The following SENP2 variants were observed in gnomAD, a reference collection of about 807,000 sequenced individuals.
SENP2 encodes the protein SUMO specific peptidase 2.
SENP2 carries 16 observed loss-of-function variants against 86.3 expected under a neutral mutation model. The observed-to-expected ratio is 0.19, with a 90% CI of 0.13 to 0.28. The LOEUF is 0.28. Among genes scored for constraint, SENP2 ranks in the 10% least tolerant of loss-of-function variants. The pLI is 1.00. For synonymous variants in SENP2, 222 were observed against 238.7 expected (o/e 0.93, Z 0.64); for missense variants, 552 against 703.0 (o/e 0.79, Z 2.43).
At chr3:185,588,050 ATTTTT>A (rs1196425963) in intron 1 of SENP2, among the ~76,000 whole-genome samples, 1,905 of 64,706 alleles carry the variant, frequency 0.029, 14 homozygotes, top group Middle Eastern at 0.043. Flanking sequence ...CTACCGGCTA[ATTTTT>A]TTTTTTTTTT....
Position 185,612,677 on chromosome 3 carries a change from TTC to T in SENP2, c.869+21_869+22del. ...AAAAGAGGTACGTACATTCAGTTCATTCTACACTTTCTTTTAATATATATTTT... is the reference window on the plus strand; with the variant it reads ...AAAAGAGGTACGTACATTCAGTTCATTACACTTTCTTTTAATATATATTTT... On this transcript the variant is annotated intron_variant, in intron 9 of 16. Coordinates refer to ENST00000296257, the MANE Select transcript of SENP2 (RefSeq NM_021627.3). The T allele has an allele frequency of 6.5e-7, 1 of 1,541,788 alleles. No homozygotes were observed. The highest frequency in any genetic ancestry group is 8.9e-7 in the Non-Finnish European group (1 of 1,118,012).
At chr3:185,618,653 C>T (rs1577739055) in intron 12 of SENP2, among the ~76,000 whole-genome samples, 2 of 152,120 alleles carry the variant, frequency 1.3e-5, no homozygotes, top group South Asian at 2.1e-4. Context: ...CTGAGGCGGG[C>T]GGATCACGAG....
rs753562841 is a variant in SENP2 at position 185,590,091 on chromosome 3, A to AT, written c.102-16dup. 2.4e-5 allele frequency: 32 copies of AT among 1,353,838 alleles called. 1 individual carries two copies. The highest frequency in any genetic ancestry group is 1.5e-4 in the South Asian group (10 of 68,222). The allele number at this position is 1,353,838 out of a possible 1,614,324, so 83.9% of individuals were successfully genotyped here. A position where few individuals can be genotyped will look rare whatever the true frequency, so the allele number is the denominator to read the frequency against. On this transcript the variant is annotated intron_variant, in intron 1 of 16. Coordinates refer to ENST00000296257, the MANE Select transcript of SENP2 (RefSeq NM_021627.3). ...TGTGTGTGTAAATCTATATATATAT[A>AT]TTTTTTTCTTTCTCTTTTTCAGCAC...
At chr3:185,588,822 C>G (rs1721884364) in intron 1 of SENP2, among the ~76,000 whole-genome samples, 1 of 152,152 alleles carries the variant, frequency 6.6e-6, no homozygotes, top group Non-Finnish European at 1.5e-5. Context: ...AGCACTTGGT[C>G]CCTATTTATG....
chr3:185,590,085 A>G, intron 1 of SENP2, 29 bp from the exon 2 acceptor site: 4 of 1,270,226 alleles, frequency 3.1e-6, no homozygotes, highest in Non-Finnish European at 4.4e-6. Flanking sequence ...AAATCTATAT[A>G]TATATATTTT....
At chr3:185,627,229 A>G (rs372945373) in intron 16 of SENP2, among the ~76,000 whole-genome samples, 24 of 152,212 alleles carry the variant, frequency 1.6e-4, no homozygotes, top group African/African-American at 5.5e-4. Context: ...AATGGGCACA[A>G]TTTGCAAATC....
rs960843455 is a variant in SENP2, at chr3:185,611,744, A to T, written c.816A>T (p.Gln272His). The T allele has an allele frequency of 6.2e-7, 1 of 1,608,050 alleles. No individual in the cohort carries two copies. Among genetic ancestry groups the T allele is most frequent in the Admixed American group, 1.7e-5 (1 of 59,852 alleles). The change falls in exon 8 of 17, where the codon CAA (glutamine) becomes CAT (histidine). Residue 272 changes from glutamine to histidine, a missense_variant and splice_region_variant. By Grantham distance (24) the Gln-to-His change is conservative. Transcript: ENST00000296257. Reference sequence around the variant, plus strand: ...AAACAACTCAGTTTGTTCCAAAACAATGTGAGTTCCCAGATTTAGCCTTGT... The same window carrying T: ...AAACAACTCAGTTTGTTCCAAAACATTGTGAGTTCCCAGATTTAGCCTTGT... ...GVKTTQFVPK[Q>H]YRLVETRGPL...
At chr3:185,597,391 C>T (rs1273307383) in intron 2 of SENP2, among the ~76,000 whole-genome samples, 2 of 152,030 alleles carry the variant, frequency 1.3e-5, no homozygotes, top group Non-Finnish European at 1.5e-5. Flanking sequence ...CTCACTCTGT[C>T]GCCCCGGCTG....
At chr3:185,590,792 C>T (rs577978095) in intron 2 of SENP2, among the ~76,000 whole-genome samples, 118 of 100,278 alleles carry the variant, frequency 1.2e-3, no homozygotes, top group Non-Finnish European at 1.7e-3. Flanking sequence ...ACCTGGGAGG[C>T]GGAGGTTGCA....
intron 5 of SENP2, among the ~76,000 whole-genome samples, chr3:185,601,639 CTTTT>C (rs4012716): frequency 4.3e-5 from 5 of 116,750 alleles, no homozygotes; most frequent in Admixed American, 9.4e-5. Flanking sequence ...GTTGTTCTTG[CTTTT>C]TTTTTTTTTT....
chr3:185,608,675 G>A (rs990434205), intron 6 of SENP2, among the ~76,000 whole-genome samples: 9 of 152,250 alleles, frequency 5.9e-5, no homozygotes, highest in Middle Eastern at 3.4e-3. Context: ...AGAGATACGG[G>A]CAAACCATCA....
intron 3 of SENP2, 119 bp from the exon 4 acceptor site, chr3:185,598,839 G>C (rs2148983576): frequency 1.3e-6 from 1 of 750,856 alleles, no homozygotes; most frequent in South Asian, 1.7e-5. Context: ...TTAAACCTTA[G>C]GTCTTATTGA....
rs764240980 is a variant in SENP2, at chr3:185,609,349, A to G, written c.721A>G (p.Ser241Gly). 6.3e-7 allele frequency: 1 copy of G among 1,599,058 alleles called. No homozygotes were observed. Among genetic ancestry groups the G allele is most frequent in the African/African-American group, 1.3e-5 (1 of 74,722 alleles). ...SVCPVTSNYH[S>G]SQRSQMDTLK... ...CTGTCCTGTAACTTCAAATTATCAC[A>G]GGTGACAGTGAGCTAACAGATAATG... Residue 241 changes from serine to glycine, a missense_variant and splice_region_variant, in exon 7 of 17, where the codon AGT (serine) becomes GGT (glycine). Ser to Gly is a moderately conservative substitution (Grantham distance 56, BLOSUM62 0). Transcript: ENST00000296257.
At chr3:185,594,620 CT>C (rs11317593) in intron 2 of SENP2, among the ~76,000 whole-genome samples, 39,879 of 137,230 alleles carry the variant, frequency 0.29, 5,789 homozygotes, top group African/African-American at 0.41. Context: ...GGCTCATGAT[CT>C]TTTTTTTTTT....
intron 14 of SENP2, among the ~76,000 whole-genome samples, chr3:185,622,926 C>T (rs1386374453): frequency 2.1e-5 from 3 of 146,048 alleles, no homozygotes; most frequent in Admixed American, 7.1e-5. Context: ...AAGTGATGCT[C>T]GTTCCTCGGC....
intron 11 of SENP2, among the ~76,000 whole-genome samples, chr3:185,616,316 C>CA (rs566480528): frequency 4.0e-5 from 6 of 149,764 alleles, no homozygotes; most frequent in African/African-American, 1.5e-4. Flanking sequence ...ACCAAAAATA[C>CA]AAAAAAATAG....
chr3:185,624,131 A>C (rs1245646738), intron 15 of SENP2, 49 bp downstream of exon 15: 1 of 1,332,772 alleles, frequency 7.5e-7, no homozygotes, highest in Non-Finnish European at 1.1e-6. Context: ...ATTTACTAAT[A>C]GTATATTATC....
intron 11 of SENP2, among the ~76,000 whole-genome samples, chr3:185,616,102 C>T (rs973271247): frequency 2.1e-5 from 3 of 145,644 alleles, no homozygotes; most frequent in Admixed American, 6.9e-5. Context: ...ACCTCATGAT[C>T]CGCCCGTCTT....
chr3:185,593,346 T>C lies in SENP2; in HGVS notation c.157+3177T>C, dbSNP rs146953476. ...GCTGATCTCGAACTCCTGGGCTTAA[T>C]TAAGTGATCCTCTCACCTTGGCTTT... On this transcript the variant is annotated intron_variant, in intron 2 of 16. Coordinates refer to ENST00000296257, the MANE Select transcript of SENP2 (RefSeq NM_021627.3). Among the ~76,000 whole-genome samples, 392 of 152,330 alleles carry C rather than the reference T, an allele frequency of 2.6e-3. 2 individuals are homozygous for C. The highest frequency in any genetic ancestry group is 4.6e-3 in the Non-Finnish European group (310 of 68,036).
Sources: allele counts gnomAD v4.1 joint callset (sites outside exome capture counted in the v4.1 genomes callset), GRCh38; gene constraint gnomAD v4.1.1; transcripts MANE v1.5; gene names NCBI Gene and HGNC (gene_info 2026-07-23, HGNC 2026-07-21).